Variants in PDE4D observed in about 807,000 individuals in gnomAD.
PDE4D encodes the protein 3',5'-cyclic-AMP phosphodiesterase 4D.
A neutral mutation model predicts 87.4 loss-of-function variants in PDE4D; 24 were observed. The observed-to-expected ratio is 0.27, with a 90% CI of 0.20 to 0.39. The LOEUF (loss-of-function observed/expected upper bound fraction) is 0.39, where lower values mean the gene tolerates loss of function less well. Ranked by LOEUF, PDE4D falls within the 10% of genes least tolerant of loss-of-function variation. PDE4D has a pLI of 1.00. For missense variants in PDE4D, 714 were observed against 1,041.0 expected (o/e 0.69, Z 4.32); for synonymous variants, 384 against 383.2 (o/e 1.00, Z -0.02).
At chr5:59,260,690 C>T (rs542118753) in intron 1 of PDE4D, among the ~76,000 whole-genome samples, 31 of 151,308 alleles carry the variant, frequency 2.0e-4, no homozygotes, top group Non-Finnish European at 3.5e-4. Flanking sequence ...AAAGTCAAAT[C>T]GTCAATATAA....
chr5:60,136,564 C>T (rs756967609), intron 2 of PDE4D, among the ~76,000 whole-genome samples: 89 of 152,140 alleles, frequency 5.8e-4, no homozygotes, highest in Admixed American at 2.6e-4. Flanking sequence ...ATCCACCCTC[C>T]TTGGCCTACC....
rs182582914 is a variant in PDE4D at position 60,156,477 on chromosome 5, T to C, written c.42+29080A>G. 1.2e-4 allele frequency among the ~76,000 whole-genome samples: 18 copies of C among 152,302 alleles called. 1 individual carries two copies. Among genetic ancestry groups the C allele is most frequent in the Admixed American group, 7.2e-4 (11 of 15,308 alleles). ...ATAAATTCTTCAGTTACATGTATATTCCTAGATAATAAAAACAATACTAGA... is the reference window on the plus strand; with the variant it reads ...ATAAATTCTTCAGTTACATGTATATCCCTAGATAATAAAAACAATACTAGA... On this transcript the variant is annotated intron_variant, in intron 2 of 16. Coordinates refer to the PDE4D transcript ENST00000502484.
At chr5:59,700,020 T>C (rs570144190) in intron 1 of PDE4D, among the ~76,000 whole-genome samples, 6 of 152,254 alleles carry the variant, frequency 3.9e-5, no homozygotes, top group East Asian at 1.9e-4. Context: ...TAATAGTGCA[T>C]TGAAAATCTA....
chr5:59,093,661 T>C (rs1293748961), intron 5 of PDE4D, among the ~76,000 whole-genome samples: 1 of 152,228 alleles, frequency 6.6e-6, no homozygotes, highest in African/African-American at 2.4e-5. Flanking sequence ...ACAGAACTTC[T>C]GACATTGTTT....
chr5:59,309,972 T>G (rs922738140), intron 1 of PDE4D, among the ~76,000 whole-genome samples: 1 of 152,186 alleles, frequency 6.6e-6, no homozygotes, highest in Non-Finnish European at 1.5e-5. Context: ...GAGGTCTTCT[T>G]TCTCTTGCTG....
chr5:60,167,284 T>C (rs74969517), intron 2 of PDE4D, among the ~76,000 whole-genome samples: 2 of 141,652 alleles, frequency 1.4e-5, no homozygotes, highest in South Asian at 4.4e-4. Flanking sequence ...TTTTTTTTTT[T>C]TTTGAGACGG....
intron 1 of PDE4D, among the ~76,000 whole-genome samples, chr5:59,806,181 G>A (rs1006955152): frequency 6.6e-6 from 1 of 152,210 alleles, no homozygotes; most frequent in African/African-American, 2.4e-5. Flanking sequence ...GAAACTGAGG[G>A]AGCTTCACTC....
intron 2 of PDE4D, among the ~76,000 whole-genome samples, chr5:60,032,598 T>C (rs1767358361): frequency 6.6e-6 from 1 of 152,176 alleles, no homozygotes; most frequent in Non-Finnish European, 1.5e-5. Context: ...AATCCTACCT[T>C]TTCTAGGAAA....
chr5:60,438,191 AAC>A (rs2150127603), intron 1 of PDE4D, among the ~76,000 whole-genome samples: 1 of 152,268 alleles, frequency 6.6e-6, no homozygotes, highest in Admixed American at 6.5e-5. Context: ...ACCAAATGCT[AAC>A]CATGTTCTGC....
intron 1 of PDE4D, among the ~76,000 whole-genome samples, chr5:59,634,340 T>C (rs111938085): frequency 5.3e-5 from 8 of 152,148 alleles, no homozygotes; most frequent in African/African-American, 1.9e-4. Flanking sequence ...GACAGAAAAT[T>C]AACAAGAATA....
chr5:60,398,702 T>C (rs1034011954), intron 1 of PDE4D, among the ~76,000 whole-genome samples: 13 of 152,130 alleles, frequency 8.5e-5, no homozygotes, highest in African/African-American at 3.1e-4. Context: ...TATTCTCCTA[T>C]AACAGGAATT....
At chr5:60,234,129 G>T (rs761945989) in intron 1 of PDE4D, among the ~76,000 whole-genome samples, 2 of 151,638 alleles carry the variant, frequency 1.3e-5, no homozygotes, top group Non-Finnish European at 2.9e-5. Flanking sequence ...CCCAGCTGTC[G>T]GAAGACACTA....
At chr5:59,313,341 C>A (rs1312694049) in intron 1 of PDE4D, among the ~76,000 whole-genome samples, 2 of 152,096 alleles carry the variant, frequency 1.3e-5, no homozygotes, top group Non-Finnish European at 2.9e-5. Flanking sequence ...TAGTCCCTGG[C>A]AATGTCTAAA....
chr5:59,257,527 C>T (rs1296970824), intron 1 of PDE4D, among the ~76,000 whole-genome samples: 1 of 151,988 alleles, frequency 6.6e-6, no homozygotes, highest in Non-Finnish European at 1.5e-5. Flanking sequence ...GAAAACTATT[C>T]CAACCATTTG....
intron 1 of PDE4D, among the ~76,000 whole-genome samples, chr5:59,811,351 G>A (rs943573503): frequency 3.9e-5 from 6 of 152,100 alleles, no homozygotes; most frequent in African/African-American, 1.4e-4. Flanking sequence ...AATTGATTTC[G>A]GAAAGAGATG....
At chr5:59,947,926 G>A (rs1757889579) in intron 3 of PDE4D, among the ~76,000 whole-genome samples, 1 of 152,180 alleles carries the variant, frequency 6.6e-6, no homozygotes, top group Admixed American at 6.5e-5. Context: ...AGAATCACTT[G>A]AACCCAAGAG....
intron 2 of PDE4D, among the ~76,000 whole-genome samples, chr5:60,122,990 C>A (rs1778821809): frequency 1.3e-5 from 2 of 152,160 alleles, no homozygotes; most frequent in South Asian, 4.1e-4. Flanking sequence ...TAGGGCATGG[C>A]AAAATGCTGT....
At chr5:59,385,843 T>C (rs2153605282) in intron 1 of PDE4D, among the ~76,000 whole-genome samples, 1 of 152,256 alleles carries the variant, frequency 6.6e-6, no homozygotes, top group East Asian at 1.9e-4. Context: ...ACACCCTGCA[T>C]CCCAATCTCT....
At chr5:59,464,934 C>T (rs528952617) in intron 1 of PDE4D, among the ~76,000 whole-genome samples, 31 of 152,170 alleles carry the variant, frequency 2.0e-4, no homozygotes, top group Non-Finnish European at 3.8e-4. Context: ...GTATGGGCCT[C>T]ACTTTTCCAC....
Sources: gnomAD v4.1 joint callset for allele counts (sites outside exome capture counted in the v4.1 genomes callset) on GRCh38, gnomAD v4.1.1 for gene constraint, MANE v1.5 for transcripts, NCBI Gene and HGNC (gene_info 2026-07-23, HGNC 2026-07-21) for gene names.